Variants in PCDHA2 observed in about 807,000 individuals in gnomAD.
PCDHA2 encodes the protein protocadherin alpha 2, also known as protocadherin alpha-2.
PCDHA2 carries 58 observed loss-of-function variants against 66.0 expected under a neutral mutation model. The observed-to-expected ratio is 0.88, with a 90% confidence interval of 0.71 to 1.09. PCDHA2 has a LOEUF of 1.09. PCDHA2 is among the 50% of genes least tolerant of loss of function. The pLI is 0.00. For synonymous variants in PCDHA2, 634 were observed against 554.0 expected, an observed-to-expected ratio of 1.14 and a Z score of -2.03; for missense variants, 1,267 against 1,242.3, an observed-to-expected ratio of 1.02 and a Z score of -0.30.
intron 1 of PCDHA2, among the ~76,000 whole-genome samples, chr5:140,840,016 A>G (rs1410068719): frequency 2.6e-5 from 4 of 152,124 alleles, no homozygotes; most frequent in African/African-American, 7.2e-5. Context: ...AGATTGGCTC[A>G]TGGTCACGTA....
intron 2 of PCDHA2, among the ~76,000 whole-genome samples, chr5:140,980,357 C>T (rs191882864): frequency 1.6e-3 from 239 of 152,238 alleles, no homozygotes; most frequent in Middle Eastern, 6.8e-3. Flanking sequence ...CTGGACTGGG[C>T]GCGGTGGCTC....
At chr5:140,914,166 G>A (rs183790385) in intron 1 of PCDHA2, among the ~76,000 whole-genome samples, 2 of 152,250 alleles carry the variant, frequency 1.3e-5, no homozygotes, top group African/African-American at 2.4e-5. Context: ...TACGGAAAGT[G>A]GGGTGTTGAA....
chr5:140,803,118 G>T, intron 1 of PCDHA2: 1 of 1,613,812 alleles, frequency 6.2e-7, no homozygotes, highest in South Asian at 1.1e-5. Context: ...GGACGAGGTG[G>T]ACGCCCCGCG....
At chr5:140,909,977 G>A (rs1554194042) in intron 1 of PCDHA2, among the ~76,000 whole-genome samples, 2 of 152,214 alleles carry the variant, frequency 1.3e-5, no homozygotes, top group African/African-American at 4.8e-5. Flanking sequence ...AAGGATGGGA[G>A]AAAGACTAAC....
intron 1 of PCDHA2, chr5:140,875,825 A>G: frequency 6.2e-7 from 1 of 1,614,174 alleles, no homozygotes; most frequent in East Asian, 2.2e-5. Flanking sequence ...CAGGTTTTCC[A>G]TGTGGACGTG....
At chr5:140,859,607 C>G (rs1218189350) in intron 1 of PCDHA2, 2 of 161,864 alleles carry the variant, frequency 1.2e-5, no homozygotes, top group Non-Finnish European at 2.7e-5. Flanking sequence ...TTACTTTTTT[C>G]TTTCCTTTCT....
intron 1 of PCDHA2, chr5:140,821,732 G>T (rs1554128164): frequency 6.6e-7 from 1 of 1,525,316 alleles, no homozygotes; most frequent in Admixed American, 2.0e-5. Context: ...AAAATACATT[G>T]TGTGGTGATG....
intron 1 of PCDHA2, among the ~76,000 whole-genome samples, chr5:140,938,050 A>G (rs1169641392): frequency 6.6e-6 from 1 of 152,116 alleles, no homozygotes; most frequent in African/African-American, 2.4e-5. Context: ...TGGGTTTTCT[A>G]CATATACTGT....
At chr5:140,882,814 A>T in intron 1 of PCDHA2, 1 of 1,614,248 alleles carries the variant, frequency 6.2e-7, no homozygotes, top group East Asian at 2.2e-5. Context: ...CTTTGGACGC[A>T]CAAAACAGTC....
At chr5:140,821,734 G>A in intron 1 of PCDHA2, 5 of 1,534,086 alleles carry the variant, frequency 3.3e-6, no homozygotes, top group Non-Finnish European at 4.4e-6. Flanking sequence ...AATACATTGT[G>A]TGGTGATGCA....
At chr5:140,992,486 A>G (rs2097515048) in intron 3 of PCDHA2, among the ~76,000 whole-genome samples, 1 of 152,182 alleles carries the variant, frequency 6.6e-6, no homozygotes, top group Non-Finnish European at 1.5e-5. Flanking sequence ...CCAGAGGCCA[A>G]TCTGTAAGGA....
At chr5:140,819,371 G>C (rs1180027831) in intron 1 of PCDHA2, among the ~76,000 whole-genome samples, 1 of 152,040 alleles carries the variant, frequency 6.6e-6, no homozygotes, top group South Asian at 2.1e-4. Context: ...TCTTGTGTTA[G>C]TATATTTCTA....
intron 1 of PCDHA2, among the ~76,000 whole-genome samples, chr5:140,897,318 A>T (rs1420123207): frequency 1.4e-5 from 2 of 145,668 alleles, no homozygotes; most frequent in African/African-American, 2.5e-5. Flanking sequence ...TATCTCCTAA[A>T]GCTATCCCTC....
intron 1 of PCDHA2, chr5:140,812,952 T>C (rs1202412188): frequency 6.6e-6 from 1 of 152,232 alleles, no homozygotes; most frequent in Non-Finnish European, 1.5e-5. Flanking sequence ...GATTTTCCAG[T>C]TTTAATTCCA....
intron 1 of PCDHA2, among the ~76,000 whole-genome samples, chr5:140,838,465 G>A (rs2150289801): frequency 3.4e-4 from 52 of 151,444 alleles, no homozygotes; most frequent in Admixed American, 3.3e-3. Flanking sequence ...TTTCATTAGC[G>A]CTTATTCCTT....
chr5:140,946,216 C>T (rs1361042644), intron 1 of PCDHA2, among the ~76,000 whole-genome samples: 1 of 151,868 alleles, frequency 6.6e-6, no homozygotes, highest in Non-Finnish European at 1.5e-5. Flanking sequence ...AAATGACCAA[C>T]AGGTATACTA....
intron 1 of PCDHA2, chr5:140,803,506 T>C (rs1554122852): frequency 6.2e-7 from 1 of 1,614,120 alleles, no homozygotes; most frequent in Non-Finnish European, 8.5e-7. Flanking sequence ...ACCGACCTCA[T>C]GGCTTTTAGC....
At chr5:140,870,390 G>T (rs377600629) in intron 1 of PCDHA2, 248 of 1,614,112 alleles carry the variant, frequency 1.5e-4, no homozygotes, top group Non-Finnish European at 1.8e-4. Context: ...CGCGGGATGG[G>T]GGTTCGCCTT....
intron 1 of PCDHA2, among the ~76,000 whole-genome samples, chr5:140,949,913 A>G (rs554549969): frequency 9.9e-5 from 15 of 151,452 alleles, no homozygotes; most frequent in Admixed American, 2.6e-4. Context: ...TTTAGATATA[A>G]CTATTTTTAG....
Sources: allele counts gnomAD v4.1 joint callset (sites outside exome capture counted in the v4.1 genomes callset), GRCh38; gene constraint gnomAD v4.1.1; transcripts MANE v1.5; gene names NCBI Gene and HGNC (gene_info 2026-07-23, HGNC 2026-07-21).